The following FRMD4A variants were observed in gnomAD, a reference collection of about 807,000 sequenced individuals.
FRMD4A encodes FERM domain-containing protein 4A.
FRMD4A carries 29 observed loss-of-function variants against 129.1 expected under a neutral mutation model. The ratio of observed to expected loss-of-function variants is 0.22; its 90% CI spans 0.17 to 0.31. The LOEUF (loss-of-function observed/expected upper bound fraction) is 0.31, where lower values mean the gene tolerates loss of function less well. Ranked by LOEUF, FRMD4A falls within the 10% of genes least tolerant of loss-of-function variation. The probability of loss-of-function intolerance (pLI) is 1.00; values close to 1 mark genes in which losing one functional copy is unlikely to be tolerated. For missense variants in FRMD4A, 1,272 were observed against 1,375.8 expected, an observed-to-expected ratio of 0.92 and a Z score of 1.19; for synonymous variants, 634 against 571.6, an observed-to-expected ratio of 1.11 and a Z score of -1.56.
chr10:14,064,030 G>A (rs1834939758), intron 2 of FRMD4A, among the ~76,000 whole-genome samples: 3 of 152,170 alleles, frequency 2.0e-5, no homozygotes, highest in Admixed American at 1.3e-4. Context: ...TGTTCTTCCC[G>A]CTCCTTAAGT....
At chr10:14,230,567 G>C (rs2131987023) in intron 2 of FRMD4A, among the ~76,000 whole-genome samples, 1 of 152,240 alleles carries the variant, frequency 6.6e-6, no homozygotes, top group African/African-American at 2.4e-5. Context: ...ACTCACAGGA[G>C]CTATCATTGG....
intron 2 of FRMD4A, among the ~76,000 whole-genome samples, chr10:14,218,955 C>CAAAAAAAAAAA (rs56064346): frequency 6.9e-5 from 5 of 72,648 alleles, no homozygotes; most frequent in African/African-American, 3.1e-4. Flanking sequence ...GACTTCATCT[C>CAAAAAAAAAAA]AAAAAAAAAA....
chr10:13,813,419 C>T (rs1040394715), intron 3 of FRMD4A, among the ~76,000 whole-genome samples: 6 of 152,184 alleles, frequency 3.9e-5, no homozygotes, highest in African/African-American at 1.4e-4. Flanking sequence ...CCAGCCTTGG[C>T]AACAGAGCGA....
chr10:13,879,341 AC>A (rs1400230678), intron 2 of FRMD4A, among the ~76,000 whole-genome samples: 1 of 152,052 alleles, frequency 6.6e-6, no homozygotes, highest in Non-Finnish European at 1.5e-5. Context: ...TCAAAAACAA[AC>A]AAAAAAAATC....
intron 2 of FRMD4A, among the ~76,000 whole-genome samples, chr10:14,244,821 A>C (rs957286207): frequency 6.6e-6 from 1 of 152,216 alleles, no homozygotes; most frequent in African/African-American, 2.4e-5. Context: ...TTCCGCAGTA[A>C]TACTGAGTTC....
At chr10:13,867,446 A>C (rs541968321) in intron 2 of FRMD4A, among the ~76,000 whole-genome samples, 3 of 150,294 alleles carry the variant, frequency 2.0e-5, no homozygotes, top group Non-Finnish European at 4.4e-5. Flanking sequence ...TTTTTTGTAG[A>C]TATGGGGACT....
At chr10:13,967,085 C>T (rs2095489731) in intron 2 of FRMD4A, among the ~76,000 whole-genome samples, 1 of 152,182 alleles carries the variant, frequency 6.6e-6, no homozygotes, top group South Asian at 2.1e-4. Context: ...CGCCTGTAAT[C>T]CCAGCACTTC....
chr10:13,904,126 C>T lies in FRMD4A; in HGVS notation c.46-45214G>A, dbSNP rs12266478. ...GGCACTGGTGGGGGCTGGGACATGA[C>T]AGTGAACAGATGCGGAAGTGGCCTT... On this transcript the variant is annotated intron_variant, in intron 2 of 24. Coordinates refer to ENST00000357447, the MANE Select transcript of FRMD4A (RefSeq NM_018027.5). Among the ~76,000 whole-genome samples, 1,042 of 152,286 alleles carry T rather than the reference C, an allele frequency of 6.8e-3. 14 individuals carry two copies. The highest frequency in any genetic ancestry group is 0.023 in the African/African-American group (968 of 41,550).
chr10:13,835,088 T>C (rs2130953170), intron 3 of FRMD4A, among the ~76,000 whole-genome samples: 1 of 152,312 alleles, frequency 6.6e-6, no homozygotes, highest in Non-Finnish European at 1.5e-5. Flanking sequence ...TGCTTTCTTA[T>C]CCTTTTCAAA....
intron 5 of FRMD4A, among the ~76,000 whole-genome samples, chr10:13,793,669 AAC>A (rs2093051999): frequency 1.3e-5 from 2 of 152,124 alleles, no homozygotes; most frequent in South Asian, 2.1e-4. Flanking sequence ...TCTGTTTAGA[AAC>A]ACACTGGAAA....
intron 14 of FRMD4A, 70 bp from the exon 15 acceptor site, chr10:13,694,109 C>A: frequency 7.7e-7 from 1 of 1,300,914 alleles, no homozygotes; most frequent in South Asian, 1.5e-5. Context: ...ATCCCTCGCC[C>A]GCGCCTGCTC....
chr10:14,283,014 A>G (rs1845571740), intron 2 of FRMD4A, among the ~76,000 whole-genome samples: 1 of 152,214 alleles, frequency 6.6e-6, no homozygotes, highest in Admixed American at 6.5e-5. Context: ...GTGAAAGCTA[A>G]AGTCCAAATA....
At chr10:13,721,375 A>C (rs1454087353) in intron 12 of FRMD4A, among the ~76,000 whole-genome samples, 1 of 152,140 alleles carries the variant, frequency 6.6e-6, no homozygotes, top group Non-Finnish European at 1.5e-5. Flanking sequence ...CCGGCTACTC[A>C]GGAGGCTGAG....
intron 2 of FRMD4A, among the ~76,000 whole-genome samples, chr10:13,949,301 CAAAAAA>C (rs34006963): frequency 1.0e-5 from 1 of 98,974 alleles, no homozygotes; most frequent in Non-Finnish European, 1.8e-5. Flanking sequence ...TTCTAGTGAT[CAAAAAA>C]AAAAAAAAAA....
At chr10:13,734,315 G>A (rs2090496890) in intron 12 of FRMD4A, among the ~76,000 whole-genome samples, 2 of 152,096 alleles carry the variant, frequency 1.3e-5, no homozygotes, top group Non-Finnish European at 2.9e-5. Context: ...CCTCCAAGCA[G>A]TTTCCGGAGA....
intron 2 of FRMD4A, among the ~76,000 whole-genome samples, chr10:14,158,414 A>C (rs1840706197): frequency 6.6e-6 from 1 of 152,096 alleles, no homozygotes; most frequent in Non-Finnish European, 1.5e-5. Context: ...AGCGCAAGAC[A>C]AGCTTGGGCA....
At chr10:14,252,864 A>G (rs1032809327) in intron 2 of FRMD4A, among the ~76,000 whole-genome samples, 4 of 152,244 alleles carry the variant, frequency 2.6e-5, no homozygotes, top group Non-Finnish European at 5.9e-5. Flanking sequence ...TAATTCCATC[A>G]TTCATTCTAT....
intron 12 of FRMD4A, among the ~76,000 whole-genome samples, chr10:13,720,850 T>C (rs1033390403): frequency 6.6e-6 from 1 of 152,066 alleles, no homozygotes; most frequent in Admixed American, 6.6e-5. Flanking sequence ...GTGTAGAAAA[T>C]GCTGAAATAA....
At chr10:14,187,155 G>A (rs1408877307) in intron 2 of FRMD4A, among the ~76,000 whole-genome samples, 2 of 116,790 alleles carry the variant, frequency 1.7e-5, no homozygotes, top group East Asian at 6.0e-4. Context: ...AGGAAAGAAG[G>A]AAGGGAGGGA....
Sources: gnomAD v4.1 joint callset for allele counts (sites outside exome capture counted in the v4.1 genomes callset) on GRCh38, gnomAD v4.1.1 for gene constraint, MANE v1.5 for transcripts, NCBI Gene and HGNC (gene_info 2026-07-23, HGNC 2026-07-21) for gene names.